ZNF90: variants seen among roughly 807,000 people sequenced by gnomAD.
ZNF90 encodes the protein zinc finger protein HTF9.
Under a neutral mutation model 12.0 loss-of-function variants are expected in ZNF90, and 11 were observed. The observed-to-expected ratio is 0.92, with a 90% CI of 0.58 to 1.52. ZNF90 has a LOEUF of 1.52. Among genes scored for constraint, ZNF90 ranks in the 40% most tolerant of loss-of-function variants. The probability of loss-of-function intolerance (pLI) is 0.00; values close to 1 mark genes in which losing one functional copy is unlikely to be tolerated. For missense variants in ZNF90, 765 were observed against 711.5 expected (o/e 1.08, Z -0.86); for synonymous variants, 232 against 240.1 (o/e 0.97, Z 0.31).
In ZNF90 at chr19:20,119,817, A is replaced by G. The variant is rs782729775; in HGVS notation, c.*457A>G. 31 of 159,462 alleles carry G rather than the reference A, an allele frequency of 1.9e-4. No homozygotes were observed. The highest frequency in any genetic ancestry group is 3.3e-3 in the Middle Eastern group (1 of 302). 9.9% of individuals were successfully genotyped at this position (159,462 alleles called of 1,614,324 possible). On this transcript the variant is annotated 3_prime_UTR_variant, in exon 4 of 4. Transcript: ENST00000418063. ...GCCATATTTAACAGGCTGGTCTCCA[A>G]CTGTGATTCACACACCTTGGCCTCC...
At chr19:20,105,834 T>G (rs1432169016) in intron 3 of ZNF90, among the ~76,000 whole-genome samples, 3 of 152,168 alleles carry the variant, frequency 2.0e-5, no homozygotes, top group African/African-American at 7.2e-5. Context: ...TTGTCAAGAT[T>G]GCTTTGGCTA....
rs2089190876 is a variant in ZNF90, at chr19:20,121,086, T to C, written c.*1726T>C. The C allele has an allele frequency of 5.7e-6, 1 of 175,740 alleles. No homozygotes were observed. The highest frequency in any genetic ancestry group is 1.2e-5 in the Non-Finnish European group (1 of 80,384). 10.9% of individuals were successfully genotyped at this position (175,740 alleles called of 1,614,324 possible). On this transcript the variant is annotated 3_prime_UTR_variant, in exon 4 of 4. Coordinates refer to ENST00000418063, the MANE Select transcript of ZNF90 (RefSeq NM_007138.2). ...TTTTCTACATTATAGTGAGAGAAAT[T>C]ATGAATTACAGTTAAAGGTATATTA...
At chr19:20,117,038 TGTGTGTGTGAGA>T (rs1353511220) in intron 3 of ZNF90, among the ~76,000 whole-genome samples, 3 of 144,950 alleles carry the variant, frequency 2.1e-5, no homozygotes, top group African/African-American at 7.5e-5. Flanking sequence ...TGTGTGTGTG[TGTGTGTGTGAGA>T]GAGAGAGAGA....
chr19:20,107,689 CTT>C (rs2089052047), intron 3 of ZNF90, among the ~76,000 whole-genome samples: 1 of 152,116 alleles, frequency 6.6e-6, no homozygotes, highest in Non-Finnish European at 1.5e-5. Flanking sequence ...CAATTTAACT[CTT>C]TCCTTCTTAC....
At chr19:20,109,583 T>C (rs559102289) in intron 3 of ZNF90, among the ~76,000 whole-genome samples, 1 of 152,186 alleles carries the variant, frequency 6.6e-6, no homozygotes, top group South Asian at 2.1e-4. Context: ...AAAGTGTACA[T>C]CACAGGGTCA....
At chr19:20,104,617 A>G (rs2089016955) in intron 2 of ZNF90, among the ~76,000 whole-genome samples, 2 of 152,204 alleles carry the variant, frequency 1.3e-5, no homozygotes, top group African/African-American at 4.8e-5. Context: ...ATTTAGTGGC[A>G]TAAAATATTG....
In ZNF90 at chr19:20,119,160, C is replaced by A. The variant is rs782287049; in HGVS notation, c.1606C>A (p.Pro536Thr). Residue 536 changes from proline to threonine, a missense_variant, in exon 4 of 4, where the codon CCC becomes ACC. Coordinates refer to ENST00000418063, the MANE Select transcript of ZNF90 (RefSeq NM_007138.2). ...KHKIIHTGAKPYKCEECGKAF... is the reference protein window; with the variant it reads ...KHKIIHTGAKTYKCEECGKAF... ...TAAGATAATTCATACTGGAGCGAAA[C>A]CCTACAAATGTGAAGAATGTGGCAA... 3.7e-6 allele frequency: 6 copies of A among 1,612,868 alleles called. No individual in the cohort carries two copies. The highest frequency in any genetic ancestry group is 5.1e-6 in the Non-Finnish European group (6 of 1,179,386).
chr19:20,117,231 A>G (rs2036764040), intron 3 of ZNF90, among the ~76,000 whole-genome samples: 1 of 151,794 alleles, frequency 6.6e-6, no homozygotes, highest in African/African-American at 2.4e-5. Flanking sequence ...TTTAGTACAG[A>G]TGGGGTTTCA....
intron 3 of ZNF90, among the ~76,000 whole-genome samples, chr19:20,106,044 CTTTTTTTTTT>C (rs56933917): frequency 4.2e-5 from 3 of 71,040 alleles, no homozygotes; most frequent in Admixed American, 1.8e-4. Context: ...CTAATTTTTT[CTTTTTTTTTT>C]TTTTTTTTTT....
At chr19:20,079,913 CT>C in intron 1 of ZNF90, 9 of 413,170 alleles carry the variant, frequency 2.2e-5, no homozygotes, top group East Asian at 7.1e-5. Context: ...TTTTGGCATT[CT>C]TTTTCCTTTC....
At chr19:20,098,114 T>C (rs1209163230) in intron 1 of ZNF90, among the ~76,000 whole-genome samples, 1 of 152,216 alleles carries the variant, frequency 6.6e-6, no homozygotes, top group Non-Finnish European at 1.5e-5. Flanking sequence ...CTTTTTGTTT[T>C]TTTCATGTAG....
chr19:20,114,997 A>G (rs577288902), intron 3 of ZNF90, among the ~76,000 whole-genome samples: 2 of 152,276 alleles, frequency 1.3e-5, no homozygotes, highest in South Asian at 4.1e-4. Flanking sequence ...GGATAAACAA[A>G]TTTGTCATAG....
At chr19:20,103,955 C>G (rs1486517327) in intron 1 of ZNF90, among the ~76,000 whole-genome samples, 1 of 152,260 alleles carries the variant, frequency 6.6e-6, no homozygotes, top group African/African-American at 2.4e-5. Context: ...CTAAATATAG[C>G]ACTCAAAAAT....
Position 20,120,251 on chromosome 19 carries a change from G to C in ZNF90, c.*891G>C, listed in dbSNP as rs2089184063. Among the ~76,000 whole-genome samples the C allele has an allele frequency of 6.6e-6, 1 of 152,194 alleles. No homozygotes were observed. The highest frequency in any genetic ancestry group is 2.4e-5 in the African/African-American group (1 of 41,426). On this transcript the variant is annotated 3_prime_UTR_variant, in exon 4 of 4. Transcript: ENST00000418063. ...CTACTCACATCTTACCCAACAGAAG[G>C]TGGTTCACAGTTAATGAAAGCATTT...
Position 20,119,319 on chromosome 19 carries a change from G to A in ZNF90, c.1765G>A (p.Gly589Arg), listed in dbSNP as rs1555706315. Reference sequence around the variant, plus strand: ...TAATACACATAAGAGGATTCATATTGGACAGAAAGCCTACATAGTGAAGAA... The same window carrying A: ...TAATACACATAAGAGGATTCATATTAGACAGAAAGCCTACATAGTGAAGAA... Reference protein sequence around the residue: ...DLNTHKRIHIGQKAYIVKNMA... With the variant: ...DLNTHKRIHIRQKAYIVKNMA... Residue 589 changes from glycine (G) to arginine (R), a missense_variant, in exon 4 of 4, where the codon GGA (glycine) becomes AGA (arginine). Gly to Arg is a moderately radical substitution (Grantham distance 125). Coordinates refer to ENST00000418063, the MANE Select transcript of ZNF90 (RefSeq NM_007138.2). 1 of 1,605,740 alleles carries A rather than the reference G, an allele frequency of 6.2e-7. No homozygotes were observed. Among genetic ancestry groups the A allele is most frequent in the Non-Finnish European group, 8.5e-7 (1 of 1,175,870 alleles).
At chr19:20,090,976 C>T (rs2088897657) in intron 1 of ZNF90, among the ~76,000 whole-genome samples, 1 of 152,034 alleles carries the variant, frequency 6.6e-6, no homozygotes, top group Non-Finnish European at 1.5e-5. Flanking sequence ...TACCAAGAGC[C>T]TGAGAAACTG....
At position 20,109,722 on chromosome 19, in the gene ZNF90, A is replaced by G. The variant is rs575231807; in HGVS notation, c.226+4406A>G. Among the ~76,000 whole-genome samples the G allele has an allele frequency of 1.6e-4, 24 of 147,436 alleles. No individual in the cohort carries two copies. In the South Asian group the frequency reaches 2.4e-3, roughly 15 times the overall value. On this transcript the variant is annotated intron_variant, in intron 3 of 3. Coordinates refer to ENST00000418063, the MANE Select transcript of ZNF90 (RefSeq NM_007138.2). ...GACCCATTTCTGTAAAAAAAAAAAAATTAATAATAGCCAGGCATGGTGGTG... is the reference window on the plus strand; with the variant it reads ...GACCCATTTCTGTAAAAAAAAAAAAGTTAATAATAGCCAGGCATGGTGGTG...
Position 20,103,497 on chromosome 19 carries a change from T to G in ZNF90, c.4-742T>G, listed in dbSNP as rs114910722. Among the ~76,000 whole-genome samples, 661 of 152,336 alleles carry G rather than the reference T, an allele frequency of 4.3e-3. 5 individuals carry two copies. Among genetic ancestry groups the G allele is most frequent in the African/African-American group, 0.015 (641 of 41,578 alleles). On this transcript the variant is annotated intron_variant, in intron 1 of 3. Coordinates refer to ENST00000418063, the MANE Select transcript of ZNF90 (RefSeq NM_007138.2). Reference sequence around the variant, plus strand: ...ATCATAAAATTTGTCCTAGTGCACTTAATGGTGAATGATTCACTTGGTGAA... The same window carrying G: ...ATCATAAAATTTGTCCTAGTGCACTGAATGGTGAATGATTCACTTGGTGAA...
intron 1 of ZNF90, among the ~76,000 whole-genome samples, chr19:20,078,771 G>A (rs2088797292): frequency 6.6e-6 from 1 of 152,090 alleles, no homozygotes; most frequent in South Asian, 2.1e-4. Context: ...AGCTTAGATT[G>A]TGCGGTCTGA....
Sources: gnomAD v4.1 joint callset for allele counts (sites outside exome capture counted in the v4.1 genomes callset) on GRCh38, gnomAD v4.1.1 for gene constraint, MANE v1.5 for transcripts, NCBI Gene and HGNC (gene_info 2026-07-23, HGNC 2026-07-21) for gene names.